The following MYT1L variants were observed in gnomAD, a reference collection of about 807,000 sequenced individuals.
The protein encoded by MYT1L is myelin transcription factor 1-like protein.
In MYT1L, 12 loss-of-function variants were observed where a neutral mutation model predicts 126.7. The observed-to-expected ratio is 0.09, with a 90% CI of 0.06 to 0.15. The LOEUF (loss-of-function observed/expected upper bound fraction) is 0.15. MYT1L is among the 10% of genes least tolerant of loss of function. The probability of loss-of-function intolerance (pLI) is 1.00; values close to 1 mark genes in which losing one functional copy is unlikely to be tolerated. For synonymous variants in MYT1L, 541 were observed against 604.2 expected, an observed-to-expected ratio of 0.90 and a Z score of 1.53; for missense variants, 979 against 1,585.2, an observed-to-expected ratio of 0.62 and a Z score of 6.49.
chr2:1,830,799 G>A (rs956952587), intron 21 of MYT1L, among the ~76,000 whole-genome samples: 8 of 139,018 alleles, frequency 5.8e-5, no homozygotes, highest in Non-Finnish European at 1.5e-5. Flanking sequence ...TGTGGAGTGT[G>A]CCTTCTCGCT....
intron 3 of MYT1L, among the ~76,000 whole-genome samples, chr2:2,162,077 G>C (rs2088055409): frequency 6.6e-6 from 1 of 152,180 alleles, no homozygotes; most frequent in Non-Finnish European, 1.5e-5. Flanking sequence ...GTCAGTCTGT[G>C]CATCTCTGCA....
intron 3 of MYT1L, among the ~76,000 whole-genome samples, chr2:2,155,098 GC>G (rs1247308772): frequency 1.3e-5 from 2 of 152,246 alleles, no homozygotes; most frequent in African/African-American, 4.8e-5. Context: ...TTGCACTGCA[GC>G]CTGGGCAACA....
chr2:2,320,920 C>T (rs2096152733), intron 1 of MYT1L, among the ~76,000 whole-genome samples: 3 of 152,226 alleles, frequency 2.0e-5, no homozygotes, highest in Non-Finnish European at 4.4e-5. Flanking sequence ...GCAACGCTTT[C>T]CACGACCCAG....
intron 8 of MYT1L, among the ~76,000 whole-genome samples, chr2:1,973,910 C>T (rs773244795): frequency 3.3e-5 from 5 of 152,322 alleles, no homozygotes; most frequent in East Asian, 3.9e-4. Context: ...CTTATCTCCA[C>T]GGGGCCTTCC....
intron 2 of MYT1L, among the ~76,000 whole-genome samples, chr2:2,215,653 G>A (rs993029300): frequency 2.0e-5 from 3 of 152,186 alleles, no homozygotes; most frequent in Non-Finnish European, 4.4e-5. Context: ...AAGGATATAA[G>A]AGGTTTGAAC....
chr2:1,814,502 G>A (rs1032269051), intron 21 of MYT1L, among the ~76,000 whole-genome samples: 7 of 152,224 alleles, frequency 4.6e-5, no homozygotes, highest in African/African-American at 1.7e-4. Context: ...GTGTCCAGGA[G>A]CCTTTGCAGA....
At chr2:1,881,713 G>GGTCTC (rs915892075) in intron 18 of MYT1L, among the ~76,000 whole-genome samples, 1 of 152,064 alleles carries the variant, frequency 6.6e-6, no homozygotes, top group Non-Finnish European at 1.5e-5. Context: ...CCACTGGGCG[G>GGTCTC]GTCTCAGCTC....
At chr2:1,902,836 G>A (rs1223996828) in intron 14 of MYT1L, 4 of 515,640 alleles carry the variant, frequency 7.8e-6, no homozygotes, top group African/African-American at 1.9e-5. Flanking sequence ...ACGAGCAGCC[G>A]AGTGCGCTGT....
chr2:1,971,301 G>A (rs917705043), intron 8 of MYT1L, among the ~76,000 whole-genome samples: 4 of 152,186 alleles, frequency 2.6e-5, no homozygotes, highest in Admixed American at 2.6e-4. Flanking sequence ...CATGCCCAGA[G>A]GTGTGTCTCC....
At chr2:1,900,737 G>A (rs1039309842) in intron 14 of MYT1L, among the ~76,000 whole-genome samples, 16 of 152,172 alleles carry the variant, frequency 1.1e-4, no homozygotes, top group African/African-American at 3.1e-4. Context: ...GTGGAGGGCC[G>A]GCTCATTTTC....
At chr2:2,135,410 T>A (rs997091280) in intron 3 of MYT1L, among the ~76,000 whole-genome samples, 5 of 152,160 alleles carry the variant, frequency 3.3e-5, no homozygotes, top group Non-Finnish European at 7.4e-5. Flanking sequence ...GAACTGTGAG[T>A]CCATTAAACC....
chr2:2,205,294 C>T (rs2093270505), intron 2 of MYT1L, among the ~76,000 whole-genome samples: 1 of 151,806 alleles, frequency 6.6e-6, no homozygotes, highest in African/African-American at 2.4e-5. Flanking sequence ...CTATAATATA[C>T]AAAAAAAGAA....
rs1364207915 is a variant in MYT1L, at chr2:1,840,744, C to T, written c.2858+16G>A. On this transcript the variant is annotated intron_variant, in intron 20 of 24. Transcript: ENST00000647738. ...GGCAGCCCTGCTATGGTTCTCAGCC[C>T]CACTGGTGCTCATACCTGATGGGTT... 1.9e-6 allele frequency: 3 copies of T among 1,539,974 alleles called. No individual in the cohort carries two copies. The highest frequency in any genetic ancestry group is 4.9e-5 in the East Asian group (2 of 40,854).
At chr2:2,278,214 G>A (rs1315661753) in intron 2 of MYT1L, among the ~76,000 whole-genome samples, 1 of 152,196 alleles carries the variant, frequency 6.6e-6, no homozygotes, top group Non-Finnish European at 1.5e-5. Flanking sequence ...GTGACACACA[G>A]CAACTCATGT....
At chr2:2,007,110 T>C (rs1250138427) in intron 4 of MYT1L, among the ~76,000 whole-genome samples, 1 of 152,098 alleles carries the variant, frequency 6.6e-6, no homozygotes, top group Non-Finnish European at 1.5e-5. Context: ...TGCTTCTGTA[T>C]CTTGGCTATT....
At chr2:2,225,032 G>A (rs1393242035) in intron 2 of MYT1L, among the ~76,000 whole-genome samples, 1 of 151,852 alleles carries the variant, frequency 6.6e-6, no homozygotes, top group Admixed American at 6.6e-5. Flanking sequence ...TTTGTACTGG[G>A]TCCCACACAT....
At chr2:1,876,726 G>A (rs1428133952) in intron 18 of MYT1L, among the ~76,000 whole-genome samples, 1 of 152,200 alleles carries the variant, frequency 6.6e-6, no homozygotes, top group East Asian at 1.9e-4. Context: ...AAGACATCGG[G>A]GAGATTTGAG....
chr2:2,060,303 T>C (rs1441450669), intron 3 of MYT1L, among the ~76,000 whole-genome samples: 1 of 152,250 alleles, frequency 6.6e-6, no homozygotes, highest in Admixed American at 6.5e-5. Flanking sequence ...GAATTATTCA[T>C]AGCTGTATTA....
chr2:1,817,207 G>C (rs994520809), intron 21 of MYT1L, among the ~76,000 whole-genome samples: 2 of 152,254 alleles, frequency 1.3e-5, no homozygotes, highest in Non-Finnish European at 2.9e-5. Flanking sequence ...TAAAGGAACA[G>C]AACTAAGTTA....
Sources: gnomAD v4.1 joint callset for allele counts (sites outside exome capture counted in the v4.1 genomes callset) on GRCh38, gnomAD v4.1.1 for gene constraint, MANE v1.5 for transcripts, NCBI Gene and HGNC (gene_info 2026-07-23, HGNC 2026-07-21) for gene names.